Variants in SLC4A10 observed in about 807,000 individuals in gnomAD.
SLC4A10 encodes sodium-driven chloride bicarbonate exchanger.
Under a neutral mutation model 137.7 loss-of-function variants are expected in SLC4A10, and 42 were observed. The ratio of observed to expected loss-of-function variants is 0.30; its 90% CI spans 0.24 to 0.39. SLC4A10 has a LOEUF of 0.39. Ranked by LOEUF, SLC4A10 falls within the 10% of genes least tolerant of loss-of-function variation. The pLI is 1.00. For missense variants in SLC4A10, 925 were observed against 1,355.0 expected, an observed-to-expected ratio of 0.68 and a Z score of 4.98; for synonymous variants, 474 against 464.1, an observed-to-expected ratio of 1.02 and a Z score of -0.27.
intron 19 of SLC4A10, 58 bp downstream of exon 19, chr2:161,950,906 T>A: frequency 2.3e-6 from 3 of 1,316,450 alleles, no homozygotes; most frequent in Non-Finnish European, 3.1e-6. Context: ...TCAACTGATG[T>A]TCATTTGACT....
chr2:161,660,314 TCTC>T (rs1323261676), intron 1 of SLC4A10, among the ~76,000 whole-genome samples: 2 of 152,240 alleles, frequency 1.3e-5, no homozygotes, highest in Non-Finnish European at 2.9e-5. Context: ...TATTTACTGA[TCTC>T]CTTACTTCTT....
At chr2:161,844,706 T>C (rs1336211546) in intron 4 of SLC4A10, among the ~76,000 whole-genome samples, 1 of 152,058 alleles carries the variant, frequency 6.6e-6, no homozygotes, top group Non-Finnish European at 1.5e-5. Context: ...AAGCACCTAA[T>C]TGGCAGAATA....
chr2:161,642,459 A>G (rs1380171266), intron 1 of SLC4A10, among the ~76,000 whole-genome samples: 1 of 152,074 alleles, frequency 6.6e-6, no homozygotes. Flanking sequence ...ATTTATCAAT[A>G]CACATTTACT....
Position 161,661,336 on chromosome 2 carries a change from G to A in SLC4A10, c.48+36770G>A, listed in dbSNP as rs547462172. On this transcript the variant is annotated intron_variant, in intron 1 of 26. Transcript: ENST00000446997. ...CTAAAAATACAAAAATGAGCTGGGC[G>A]TGGTGGCGCACGCCTGTAGTCCCAG... is the stretch of plus-strand genomic sequence containing the variant. 6.8e-4 allele frequency among the ~76,000 whole-genome samples: 103 copies of A among 152,260 alleles called. 1 individual carries two copies. The highest frequency in any genetic ancestry group is 2.2e-3 in the African/African-American group (90 of 41,566).
chr2:161,891,959 G>T (rs908250020), intron 10 of SLC4A10, among the ~76,000 whole-genome samples: 7 of 151,874 alleles, frequency 4.6e-5, no homozygotes, highest in Non-Finnish European at 1.0e-4. Context: ...TTGAGAAGGG[G>T]GTCAGGGAAG....
At chr2:161,893,305 G>C (rs1158742654) in intron 10 of SLC4A10, among the ~76,000 whole-genome samples, 2 of 152,154 alleles carry the variant, frequency 1.3e-5, no homozygotes, top group African/African-American at 4.8e-5. Context: ...CATACTTTGA[G>C]TGGAAATGAA....
chr2:161,765,298 A>G (rs1419117922), intron 1 of SLC4A10, among the ~76,000 whole-genome samples: 1 of 152,074 alleles, frequency 6.6e-6, no homozygotes, highest in Middle Eastern at 3.2e-3. Flanking sequence ...ACCGGAATTG[A>G]TTATCTTATA....
chr2:161,788,681 G>A (rs957652902), intron 2 of SLC4A10, among the ~76,000 whole-genome samples: 17 of 152,178 alleles, frequency 1.1e-4, no homozygotes, highest in African/African-American at 4.1e-4. Flanking sequence ...CCACCAAAAT[G>A]AGCTCAGGGC....
chr2:161,958,486 G>C lies in SLC4A10; in HGVS notation c.2794-1G>C, dbSNP rs575324974. The C allele has an allele frequency of 6.2e-7, 1 of 1,608,956 alleles. No individual in the cohort carries two copies. The highest frequency in any genetic ancestry group is 1.3e-5 in the African/African-American group (1 of 74,750). On this transcript the variant is annotated splice_acceptor_variant, in intron 20 of 26. Transcript: ENST00000446997. LOFTEE classifies it high-confidence loss of function. ...CCTTTTCTCCAATTGTTCTTTTACA[G>C]TTTATTCCCATGCCAGTGCTATATG...
intron 15 of SLC4A10, among the ~76,000 whole-genome samples, chr2:161,911,563 C>G (rs962408959): frequency 3.3e-5 from 5 of 151,926 alleles, no homozygotes; most frequent in African/African-American, 1.2e-4. Context: ...ACATTTTTTG[C>G]GACGTATACA....
At chr2:161,700,989 A>C (rs1295925171) in intron 1 of SLC4A10, among the ~76,000 whole-genome samples, 3 of 152,094 alleles carry the variant, frequency 2.0e-5, no homozygotes, top group Non-Finnish European at 4.4e-5. Flanking sequence ...ATAGTAGCAA[A>C]AATATATTCA....
At chr2:161,960,133 A>G (rs1209636303) in intron 21 of SLC4A10, among the ~76,000 whole-genome samples, 2 of 151,904 alleles carry the variant, frequency 1.3e-5, no homozygotes, top group Non-Finnish European at 2.9e-5. Flanking sequence ...TGGGAAGCCG[A>G]GGTGGGCGGA....
At chr2:161,695,026 C>G (rs1025177817) in intron 1 of SLC4A10, among the ~76,000 whole-genome samples, 6 of 151,872 alleles carry the variant, frequency 4.0e-5, no homozygotes, top group Non-Finnish European at 8.8e-5. Flanking sequence ...GAAATTGTAA[C>G]TAAGCAAAAA....
chr2:161,642,842 T>C (rs2035504056), intron 1 of SLC4A10, among the ~76,000 whole-genome samples: 1 of 151,994 alleles, frequency 6.6e-6, no homozygotes, highest in Non-Finnish European at 1.5e-5. Flanking sequence ...AAAATTCCCA[T>C]TTTAAGTCAA....
At chr2:161,772,837 G>T (rs2051820724) in intron 2 of SLC4A10, among the ~76,000 whole-genome samples, 1 of 151,802 alleles carries the variant, frequency 6.6e-6, no homozygotes, top group South Asian at 2.1e-4. Context: ...TGCTATTGAG[G>T]GTTCTGTTGT....
In SLC4A10 at chr2:161,633,803, A is replaced by G. The variant is rs181331722; in HGVS notation, c.48+9237A>G. Among the ~76,000 whole-genome samples the G allele has an allele frequency of 5.2e-3, 785 of 151,894 alleles. 7 individuals are homozygous for G. The highest frequency in any genetic ancestry group is 7.9e-3 in the South Asian group (38 of 4,818). ...TATAAATTGATAATTATAATACAGT[A>G]CAATCCTTTTCCTAATAATAAAATT... is the stretch of plus-strand genomic sequence containing the variant. On this transcript the variant is annotated intron_variant, in intron 1 of 26. Coordinates refer to ENST00000446997, the MANE Select transcript of SLC4A10 (RefSeq NM_001178015.2).
At chr2:161,842,835 T>A (rs1319399962) in intron 4 of SLC4A10, among the ~76,000 whole-genome samples, 1 of 152,230 alleles carries the variant, frequency 6.6e-6, no homozygotes, top group East Asian at 1.9e-4. Context: ...AGATTAGTGA[T>A]ATAACTTGCT....
chr2:161,775,420 A>G lies in SLC4A10; in HGVS notation c.130+4366A>G, dbSNP rs112159321. ...TATGTTAACTCTCCTACCTTCTATC[A>G]TAATAGAGTCCAAGAGGATTTGGAT... On this transcript the variant is annotated intron_variant, in intron 2 of 26. Transcript: ENST00000446997. 1.6e-3 allele frequency among the ~76,000 whole-genome samples: 237 copies of G among 152,020 alleles called. 2 individuals carry two copies. Among genetic ancestry groups the G allele is most frequent in the South Asian group, 4.3e-3 (21 of 4,832 alleles).
At chr2:161,946,658 T>A (rs1351059028) in intron 16 of SLC4A10, among the ~76,000 whole-genome samples, 1 of 151,840 alleles carries the variant, frequency 6.6e-6, no homozygotes, top group Non-Finnish European at 1.5e-5. Flanking sequence ...TTTTTTTCAT[T>A]CAAAATATTT....
Sources: allele counts gnomAD v4.1 joint callset (sites outside exome capture counted in the v4.1 genomes callset), GRCh38; gene constraint gnomAD v4.1.1; transcripts MANE v1.5; gene names NCBI Gene and HGNC (gene_info 2026-07-23, HGNC 2026-07-21).